Variants in USP45 observed in about 807,000 individuals in gnomAD.
USP45 encodes the protein ubiquitin carboxyl-terminal hydrolase 45.
In USP45, 89 loss-of-function variants were observed where a neutral mutation model predicts 95.8. The observed-to-expected ratio is 0.93, with a 90% CI of 0.78 to 1.11. USP45 has a LOEUF of 1.11. Among genes scored for constraint, USP45 ranks in the 50% least tolerant of loss-of-function variants. USP45 has a pLI of 0.00. For synonymous variants in USP45, 281 were observed against 316.2 expected (o/e 0.89, Z 1.18); for missense variants, 898 against 942.5 (o/e 0.95, Z 0.62).
rs771530595 is a variant in USP45 at position 99,507,522 on chromosome 6, T to C, written c.283A>G (p.Lys95Glu). ...AATGAATGTTGGCTTTCTGAGTTTTTACCACATCCCTGAAGATGAACAGAA... is the reference window on the plus strand; with the variant it reads ...AATGAATGTTGGCTTTCTGAGTTTTCACCACATCCCTGAAGATGAACAGAA... ...CLKCGFQGCG[K>E]NSESQHSLKH... The change falls in exon 4 of 18, where the codon AAA becomes GAA. Residue 95 changes from lysine to glutamate, a missense_variant. Physicochemically the swap from Lys to Glu is moderately conservative, Grantham distance 56. Coordinates refer to ENST00000500704, the MANE Select transcript of USP45 (RefSeq NM_001346022.3). 1 of 1,607,586 alleles carries C rather than the reference T, an allele frequency of 6.2e-7. No homozygotes were observed. Among genetic ancestry groups the C allele is most frequent in the Non-Finnish European group, 8.5e-7 (1 of 1,175,136 alleles).
chr6:99,493,630 T>C (rs1038792209), intron 5 of USP45, among the ~76,000 whole-genome samples: 1 of 152,086 alleles, frequency 6.6e-6, no homozygotes, highest in Non-Finnish European at 1.5e-5. Flanking sequence ...CCTGAGGAGC[T>C]GGGATTACAG....
At chr6:99,502,660 T>A (rs1797639714) in intron 5 of USP45, among the ~76,000 whole-genome samples, 1 of 152,264 alleles carries the variant, frequency 6.6e-6, no homozygotes. Flanking sequence ...CCAAATCTCA[T>A]GTCGAGTTGT....
In USP45 at chr6:99,435,689, GA is replaced by G. The variant is rs1562287390; in HGVS notation, c.*26del. The G allele has an allele frequency of 6.3e-7, 1 of 1,593,404 alleles. No individual in the cohort carries two copies. The highest frequency in any genetic ancestry group is 2.2e-5 in the East Asian group (1 of 44,562). ...ATCACTGTGGCATTCAAAAACAAAT[GA>G]CCTAAATAATCATTACCATTAATAG... On this transcript the variant is annotated 3_prime_UTR_variant, in exon 18 of 18. Transcript: ENST00000500704.
intron 13 of USP45, among the ~76,000 whole-genome samples, chr6:99,452,057 G>C (rs563773424): frequency 1.2e-3 from 177 of 152,312 alleles, no homozygotes; most frequent in African/African-American, 4.2e-3. Flanking sequence ...TTACATGTTA[G>C]AGCTAAAACC....
intron 13 of USP45, among the ~76,000 whole-genome samples, chr6:99,457,530 CA>C (rs1388100722): frequency 6.6e-6 from 1 of 152,140 alleles, no homozygotes; most frequent in African/African-American, 2.4e-5. Flanking sequence ...ATGCATGTAT[CA>C]AAATATCACA....
At chr6:99,441,532 C>T (rs952851092) in intron 15 of USP45, among the ~76,000 whole-genome samples, 3 of 148,876 alleles carry the variant, frequency 2.0e-5, no homozygotes, top group Non-Finnish European at 4.5e-5. Flanking sequence ...AACTCCATCT[C>T]CAAAAAAAAA....
rs774321261 is a variant in USP45 at position 99,433,876 on chromosome 6, T to C, written c.*1840A>G. On this transcript the variant is annotated 3_prime_UTR_variant, in exon 18 of 18. Coordinates refer to ENST00000500704, the MANE Select transcript of USP45 (RefSeq NM_001346022.3). ...AACAGTATCTTTCTGTAAGAAAAAT[T>C]AGGTGATCTATATTTACATTTGGGC... 1 of 152,144 alleles carries C rather than the reference T, an allele frequency of 6.6e-6. No homozygotes were observed. The highest frequency in any genetic ancestry group is 2.4e-5 in the African/African-American group (1 of 41,430). The allele number at this position is 152,144 out of a possible 1,614,324, so 9.4% of individuals were successfully genotyped here. A position where few individuals can be genotyped will look rare whatever the true frequency, so the allele number is the denominator to read the frequency against.
At chr6:99,489,253 G>A (rs948796921) in intron 5 of USP45, among the ~76,000 whole-genome samples, 1 of 152,150 alleles carries the variant, frequency 6.6e-6, no homozygotes, top group African/African-American at 2.4e-5. Flanking sequence ...CTCAAAATGT[G>A]TGATTGGGAA....
chr6:99,511,450 G>A lies in USP45; in HGVS notation c.-10-1220C>T, dbSNP rs1799774442. On this transcript the variant is annotated intron_variant, in intron 1 of 17. Coordinates refer to ENST00000500704, the MANE Select transcript of USP45 (RefSeq NM_001346022.3). ...TTACAGGCGTGAGCCACCGTGCCCG[G>A]CTATTATTATTTTTTGAGACAAAGT... Among the ~76,000 whole-genome samples, 9 of 151,706 alleles carry A rather than the reference G, an allele frequency of 5.9e-5. No individual in the cohort carries two copies. The South Asian group carries it at 1.9e-3, about 32-fold the overall frequency.
chr6:99,438,458 T>C (rs769403206), intron 16 of USP45, among the ~76,000 whole-genome samples: 1 of 152,216 alleles, frequency 6.6e-6, no homozygotes, highest in Non-Finnish European at 1.5e-5. Context: ...ATTTACCTTA[T>C]TTAGGTACAT....
In USP45 at chr6:99,488,295, T is replaced by A; in HGVS notation, c.619A>T (p.Asn207Tyr). The A allele has an allele frequency of 6.3e-7, 1 of 1,594,148 alleles. No individual in the cohort carries two copies. The highest frequency in any genetic ancestry group is 1.8e-5 in the Admixed American group (1 of 56,898). The change falls in exon 7 of 18, where the codon AAC (asparagine) becomes TAC (tyrosine). Residue 207 changes from asparagine (N) to tyrosine (Y), a missense_variant and splice_region_variant. By Grantham distance (143) the Asn-to-Tyr change is moderately radical. Coordinates refer to ENST00000500704, the MANE Select transcript of USP45 (RefSeq NM_001346022.3). ...GTAAGAGTATAAGTCTGTGCCAAGT[T>A]CTAAAAGAAAACAAAATTAAAGTCT... The part of the protein sequence containing the change: ...NTCFFNAVMQ[N>Y]LAQTYTLTDL...
intron 7 of USP45, among the ~76,000 whole-genome samples, chr6:99,483,167 C>T (rs1022325888): frequency 2.2e-4 from 34 of 152,134 alleles, no homozygotes; most frequent in African/African-American, 7.2e-4. Flanking sequence ...ATGCACTCTC[C>T]TATAAATAAA....
chr6:99,516,070 C>T (rs1196827006), upstream of USP45, among the ~76,000 whole-genome samples: 2 of 152,168 alleles, frequency 1.3e-5, no homozygotes, highest in Non-Finnish European at 2.9e-5. Context: ...AGCCACCGCG[C>T]CCGGCTCCGC....
chr6:99,485,410 G>C (rs933013020), intron 7 of USP45, among the ~76,000 whole-genome samples: 1 of 151,988 alleles, frequency 6.6e-6, no homozygotes. Context: ...TGCTGAAAAC[G>C]CAAGAAGGAT....
chr6:99,462,966 T>C (rs11154865), intron 13 of USP45, among the ~76,000 whole-genome samples: 22,356 of 152,124 alleles, frequency 0.15, 2,367 homozygotes, highest in Non-Finnish European at 0.21. Flanking sequence ...TGGGCAACAG[T>C]GTGAGACTCT....
intron 13 of USP45, among the ~76,000 whole-genome samples, chr6:99,453,018 A>G (rs6925132): frequency 1 from 152,159 of 152,160 alleles, 76,079 homozygotes; most frequent in Non-Finnish European, 1. Flanking sequence ...CACACACAGG[A>G]GCCTGTTGTG....
intron 9 of USP45, among the ~76,000 whole-genome samples, chr6:99,471,227 C>T (rs554518378): frequency 5.9e-5 from 9 of 152,192 alleles, no homozygotes; most frequent in East Asian, 3.9e-4. Context: ...AATGAGTTTA[C>T]GTCCATATAC....
intron 10 of USP45, among the ~76,000 whole-genome samples, chr6:99,467,272 T>A (rs1303703452): frequency 9.2e-5 from 14 of 152,180 alleles, no homozygotes; most frequent in Admixed American, 9.2e-4. Context: ...AAAATGCCAA[T>A]GACTTAGTTT....
Position 99,446,342 on chromosome 6 carries a change from T to C in USP45, c.1430A>G (p.Asn477Ser), listed in dbSNP as rs1165726823. 1 of 1,614,236 alleles carries C rather than the reference T, an allele frequency of 6.2e-7. No individual in the cohort carries two copies. Among genetic ancestry groups the C allele is most frequent in the Non-Finnish European group, 8.5e-7 (1 of 1,180,034 alleles). Reference protein sequence around the residue: ...GDSLMFASLMNSESRLNESPT... With the variant: ...GDSLMFASLMSSESRLNESPT... Reference sequence around the variant, plus strand: ...GCTTTCATTCAGACGTGACTCAGAATTCATGAGGCTGGCAAACATTAAAGA... The same window carrying C: ...GCTTTCATTCAGACGTGACTCAGAACTCATGAGGCTGGCAAACATTAAAGA... Residue 477 changes from asparagine (N) to serine (S), a missense_variant, in exon 14 of 18, where the codon AAT (asparagine) becomes AGT (serine). By Grantham distance (46) the Asn-to-Ser change is conservative. Coordinates refer to ENST00000500704, the MANE Select transcript of USP45 (RefSeq NM_001346022.3).
Sources: gnomAD v4.1 joint callset for allele counts (sites outside exome capture counted in the v4.1 genomes callset) on GRCh38, gnomAD v4.1.1 for gene constraint, MANE v1.5 for transcripts, NCBI Gene and HGNC (gene_info 2026-07-23, HGNC 2026-07-21) for gene names.